SUMF1: variants seen among roughly 807,000 people sequenced by gnomAD.
SUMF1 encodes formylglycine-generating enzyme.
In SUMF1, 48 loss-of-function variants were observed where a neutral mutation model predicts 47.6. The ratio of observed to expected loss-of-function variants is 1.01; its 90% CI spans 0.80 to 1.28. The LOEUF is 1.28. Ranked by LOEUF, SUMF1 falls within the 50% of genes most tolerant of loss-of-function variation. The probability of loss-of-function intolerance (pLI) is 0.00; values close to 1 mark genes in which losing one functional copy is unlikely to be tolerated. For synonymous variants in SUMF1, 230 were observed against 192.1 expected (o/e 1.20, Z -1.63); for missense variants, 571 against 485.4 (o/e 1.18, Z -1.66).
chr3:4,097,138 T>G (rs1161727007), intron 8 of SUMF1, among the ~76,000 whole-genome samples: 1 of 152,126 alleles, frequency 6.6e-6, no homozygotes, highest in Non-Finnish European at 1.5e-5. Flanking sequence ...TGGTATCTAA[T>G]TGCTCAAAAA....
intron 9 of SUMF1, among the ~76,000 whole-genome samples, chr3:4,052,109 C>T (rs904812164): frequency 6.6e-6 from 1 of 152,056 alleles, no homozygotes; most frequent in African/African-American, 2.4e-5. Flanking sequence ...GCTAACAAGT[C>T]CAAGATCAAG....
chr3:4,056,915 G>A (rs1007830940), intron 9 of SUMF1, among the ~76,000 whole-genome samples: 3 of 151,116 alleles, frequency 2.0e-5, no homozygotes, highest in African/African-American at 4.9e-5. Context: ...CTAATTTTTT[G>A]TATTTTAAGT....
chr3:4,146,988 C>T (rs1482713184), intron 8 of SUMF1, among the ~76,000 whole-genome samples: 8 of 152,018 alleles, frequency 5.3e-5, no homozygotes, highest in Non-Finnish European at 7.4e-5. Context: ...ATACAAACAA[C>T]CCCATCAAAA....
chr3:4,346,293 G>T (rs1386816862), intron 8 of SUMF1, among the ~76,000 whole-genome samples: 1 of 152,154 alleles, frequency 6.6e-6, no homozygotes, highest in Non-Finnish European at 1.5e-5. Flanking sequence ...ACACTCCTCA[G>T]TAAATGCAAA....
At chr3:4,255,723 A>G (rs2125016569) in intron 8 of SUMF1, among the ~76,000 whole-genome samples, 1 of 136,452 alleles carries the variant, frequency 7.3e-6, no homozygotes, top group Non-Finnish European at 1.6e-5. Flanking sequence ...GAAAGTCAAC[A>G]AGGATACCCA....
chr3:4,368,173 G>A (rs544290794), intron 8 of SUMF1, among the ~76,000 whole-genome samples: 6 of 152,282 alleles, frequency 3.9e-5, no homozygotes, highest in East Asian at 1.9e-4. Context: ...AAAAGTGGGC[G>A]AAGGACATGA....
intron 8 of SUMF1, among the ~76,000 whole-genome samples, chr3:4,257,732 G>C (rs1696987810): frequency 6.6e-6 from 1 of 151,860 alleles, no homozygotes; most frequent in South Asian, 2.1e-4. Flanking sequence ...AGCTACCAAT[G>C]ACTTTCTTCA....
intron 2 of SUMF1, among the ~76,000 whole-genome samples, chr3:4,452,131 TA>T (rs953962047): frequency 0.015 from 2,208 of 143,856 alleles, 37 homozygotes; most frequent in African/African-American, 0.049. Flanking sequence ...TTTGGGGTCT[TA>T]AAAAAAAAAA....
At chr3:4,151,951 T>C (rs1694346719) in intron 8 of SUMF1, among the ~76,000 whole-genome samples, 1 of 151,618 alleles carries the variant, frequency 6.6e-6, no homozygotes, top group African/African-American at 2.4e-5. Flanking sequence ...GGATGGTTTC[T>C]GAAATCCTGC....
intron 9 of SUMF1, among the ~76,000 whole-genome samples, chr3:4,066,131 C>A (rs553321400): frequency 6.6e-6 from 1 of 151,998 alleles, no homozygotes; most frequent in Non-Finnish European, 1.5e-5. Context: ...AGAAGACATT[C>A]AGCACAGTCC....
chr3:4,104,674 C>T (rs557744553), intron 8 of SUMF1, among the ~76,000 whole-genome samples: 26 of 151,874 alleles, frequency 1.7e-4, no homozygotes, highest in Non-Finnish European at 2.9e-4. Context: ...ATTTCTCTCT[C>T]TCTCTCTCTC....
chr3:4,229,836 A>G (rs1278775677), intron 8 of SUMF1, among the ~76,000 whole-genome samples: 1 of 152,008 alleles, frequency 6.6e-6, no homozygotes, highest in Non-Finnish European at 1.5e-5. Context: ...CAACATAGCA[A>G]GACCCTATCT....
intron 8 of SUMF1, among the ~76,000 whole-genome samples, chr3:4,368,909 C>G (rs1243338155): frequency 6.6e-6 from 1 of 152,174 alleles, no homozygotes; most frequent in Non-Finnish European, 1.5e-5. Flanking sequence ...TGAGCATAAA[C>G]TCTGAGTTGG....
intron 1 of SUMF1, among the ~76,000 whole-genome samples, chr3:4,465,455 G>A (rs2079918122): frequency 6.6e-6 from 1 of 151,614 alleles, no homozygotes; most frequent in African/African-American, 2.4e-5. Flanking sequence ...CTCCAGCCTG[G>A]TGACAGAGCG....
chr3:4,337,245 C>A (rs1699174162), intron 8 of SUMF1, among the ~76,000 whole-genome samples: 1 of 144,452 alleles, frequency 6.9e-6, no homozygotes, highest in Non-Finnish European at 1.5e-5. Context: ...TTCCTTCCCT[C>A]CTTCCCTCTC....
chr3:4,365,925 C>A (rs562885297), intron 8 of SUMF1, among the ~76,000 whole-genome samples: 11 of 152,254 alleles, frequency 7.2e-5, no homozygotes. Context: ...GCAACAAAAT[C>A]TCTCAGCATT....
At chr3:4,181,830 T>A (rs1330564228) in intron 8 of SUMF1, among the ~76,000 whole-genome samples, 1 of 151,948 alleles carries the variant, frequency 6.6e-6, no homozygotes, top group Non-Finnish European at 1.5e-5. Context: ...CATGCATGTG[T>A]GTGTGAGGGC....
chr3:4,210,988 T>A (rs1695768191), intron 8 of SUMF1, among the ~76,000 whole-genome samples: 1 of 150,918 alleles, frequency 6.6e-6, no homozygotes, highest in Non-Finnish European at 1.5e-5. Context: ...TCCTCAAACA[T>A]CAACTCCAAG....
intron 7 of SUMF1, among the ~76,000 whole-genome samples, chr3:4,408,107 T>C (rs1559279843): frequency 6.6e-6 from 1 of 152,206 alleles, no homozygotes; most frequent in Non-Finnish European, 1.5e-5. Flanking sequence ...TGTCTGCTAG[T>C]CAGCCAAAAC....
Sources: allele counts gnomAD v4.1 joint callset (sites outside exome capture counted in the v4.1 genomes callset), GRCh38; gene constraint gnomAD v4.1.1; transcripts MANE v1.5; gene names NCBI Gene and HGNC (gene_info 2026-07-23, HGNC 2026-07-21).